Variants in NIPAL2 observed in about 807,000 individuals in gnomAD.
The protein encoded by NIPAL2 is NIPA-like protein 2.
Under a neutral mutation model 48.9 loss-of-function variants are expected in NIPAL2, and 43 were observed. The ratio of observed to expected loss-of-function variants is 0.88; its 90% CI spans 0.69 to 1.13. The LOEUF is 1.13. NIPAL2 is among the 50% of genes most tolerant of loss of function. The pLI is 0.00. For missense variants in NIPAL2, 446 were observed against 461.4 expected (o/e 0.97, Z 0.31); for synonymous variants, 167 against 174.6 (o/e 0.96, Z 0.34).
chr8:98,273,675 T>C (rs1439139431), intron 1 of NIPAL2, among the ~76,000 whole-genome samples: 1 of 152,154 alleles, frequency 6.6e-6, no homozygotes, highest in African/African-American at 2.4e-5. Flanking sequence ...TTTCTGAGGT[T>C]GATATATTTA....
intron 1 of NIPAL2, among the ~76,000 whole-genome samples, chr8:98,278,541 A>C (rs561134887): frequency 1.4e-4 from 21 of 152,186 alleles, no homozygotes; most frequent in Admixed American, 6.5e-4. Flanking sequence ...CTTCCAGTTT[A>C]CCTTTCCTGA....
At chr8:98,282,420 G>T (rs1025604707) in intron 1 of NIPAL2, among the ~76,000 whole-genome samples, 1 of 152,160 alleles carries the variant, frequency 6.6e-6, no homozygotes, top group African/African-American at 2.4e-5. Context: ...CTGGCAAGGA[G>T]ACCAGGGAAC....
chr8:98,230,752 C>T (rs1812403132), intron 4 of NIPAL2, among the ~76,000 whole-genome samples: 1 of 152,190 alleles, frequency 6.6e-6, no homozygotes. Context: ...CAGGCTCCTT[C>T]TGAAGCTTCT....
intron 4 of NIPAL2, among the ~76,000 whole-genome samples, chr8:98,230,085 T>C (rs1812363395): frequency 6.6e-6 from 1 of 152,214 alleles, no homozygotes; most frequent in African/African-American, 2.4e-5. Context: ...GATTGGAACC[T>C]AGGTAGTCTA....
chr8:98,285,044 C>T (rs1029100655), intron 1 of NIPAL2, among the ~76,000 whole-genome samples: 2 of 152,164 alleles, frequency 1.3e-5, no homozygotes, highest in Non-Finnish European at 2.9e-5. Flanking sequence ...AGGGATGATG[C>T]TTTTGAAAAT....
chr8:98,259,140 G>A (rs991647746), intron 1 of NIPAL2, among the ~76,000 whole-genome samples: 8 of 133,484 alleles, frequency 6.0e-5, no homozygotes, highest in African/African-American at 5.8e-5. Flanking sequence ...GCAGTGGCGC[G>A]ATCTCGACTC....
intron 3 of NIPAL2, 94 bp from the exon 4 acceptor site, chr8:98,236,308 C>G (rs1478793651): frequency 1.2e-5 from 10 of 800,116 alleles, no homozygotes; most frequent in Middle Eastern, 2.3e-4. Flanking sequence ...GTGCCTTATG[C>G]CTGATGAGCT....
chr8:98,230,789 G>A (rs1037255936), intron 4 of NIPAL2, among the ~76,000 whole-genome samples: 8 of 152,160 alleles, frequency 5.3e-5, no homozygotes, highest in Admixed American at 2.0e-4. Context: ...AGCTGGCGGA[G>A]TCTTGGAATC....
In NIPAL2 at chr8:98,192,786, T is replaced by C; in HGVS notation, c.*192A>G. 1 of 597,236 alleles carries C rather than the reference T, an allele frequency of 1.7e-6. No homozygotes were observed. The highest frequency in any genetic ancestry group is 2.8e-5 in the East Asian group (1 of 35,996). 37.0% of individuals were successfully genotyped at this position (597,236 alleles called of 1,614,324 possible). On this transcript the variant is annotated 3_prime_UTR_variant, in exon 11 of 11. Coordinates refer to ENST00000430223, the MANE Select transcript of NIPAL2 (RefSeq NM_001321635.2). ...GGTGTGGGGAACACTCCAAATCACA[T>C]TCCATGGAAATATTAGACTGTCAGA...
At chr8:98,291,306 G>C (rs1816477143) in intron 1 of NIPAL2, among the ~76,000 whole-genome samples, 1 of 152,146 alleles carries the variant, frequency 6.6e-6, no homozygotes, top group Admixed American at 6.5e-5. Context: ...CACCAGTCCT[G>C]GCCATGAGGG....
intron 5 of NIPAL2, among the ~76,000 whole-genome samples, chr8:98,212,734 A>C (rs1328601535): frequency 6.6e-6 from 1 of 152,080 alleles, no homozygotes; most frequent in East Asian, 1.9e-4. Context: ...ACCTCCCTGG[A>C]AGTTCAGCCT....
intron 1 of NIPAL2, among the ~76,000 whole-genome samples, chr8:98,276,628 C>G (rs1418933663): frequency 6.6e-6 from 1 of 152,092 alleles, no homozygotes; most frequent in East Asian, 1.9e-4. Flanking sequence ...TTGTAAGAAA[C>G]TGCCAAACTG....
chr8:98,251,773 A>G (rs985325045), intron 3 of NIPAL2: 18 of 152,186 alleles, frequency 1.2e-4, no homozygotes, highest in African/African-American at 4.1e-4. Context: ...TTCTCTTTCA[A>G]TGAAGTTCTA....
chr8:98,285,874 G>A (rs1196778067), intron 1 of NIPAL2, among the ~76,000 whole-genome samples: 1 of 152,154 alleles, frequency 6.6e-6, no homozygotes. Context: ...GTTCCTGAAG[G>A]AGGAAACAAT....
chr8:98,247,882 T>G (rs918638582), intron 3 of NIPAL2, among the ~76,000 whole-genome samples: 1 of 152,202 alleles, frequency 6.6e-6, no homozygotes, highest in Non-Finnish European at 1.5e-5. Flanking sequence ...GTACTGGATT[T>G]CTGGTATATT....
chr8:98,211,733 A>AGTGTGTGTGTGTGTGTGTGTGTGT (rs1156409051), intron 6 of NIPAL2, among the ~76,000 whole-genome samples: 1 of 109,104 alleles, frequency 9.2e-6, no homozygotes, highest in African/African-American at 3.9e-5. Flanking sequence ...AGAGAGAGAA[A>AGTGTGTGTGTGTGTGTGTGTGTGT]GTGTGTGTGT....
chr8:98,226,173 G>C (rs1179120071), intron 4 of NIPAL2, among the ~76,000 whole-genome samples: 2 of 152,048 alleles, frequency 1.3e-5, no homozygotes, highest in Admixed American at 6.5e-5. Flanking sequence ...TGAATTCTCT[G>C]TCTGAAAGGT....
intron 1 of NIPAL2, among the ~76,000 whole-genome samples, chr8:98,271,028 GCTCT>G (rs1162703097): frequency 3.9e-5 from 6 of 152,122 alleles, no homozygotes; most frequent in Non-Finnish European, 7.4e-5. Context: ...TTATTTCTGG[GCTCT>G]CTATTATGTT....
At chr8:98,234,359 C>T (rs542559508) in intron 4 of NIPAL2, among the ~76,000 whole-genome samples, 1 of 152,180 alleles carries the variant, frequency 6.6e-6, no homozygotes, top group African/African-American at 2.4e-5. Context: ...GATTAGTCAG[C>T]AAATCCCCCT....
Sources: allele counts gnomAD v4.1 joint callset (sites outside exome capture counted in the v4.1 genomes callset), GRCh38; gene constraint gnomAD v4.1.1; transcripts MANE v1.5; gene names NCBI Gene and HGNC (gene_info 2026-07-23, HGNC 2026-07-21).